The following ASPHD1 variants were observed in gnomAD, a reference collection of about 807,000 sequenced individuals.
ASPHD1 encodes the protein aspartate beta-hydroxylase domain containing 1, also known as aspartate beta-hydroxylase domain-containing protein 1.
ASPHD1 carries 20 observed loss-of-function variants against 28.3 expected under a neutral mutation model. The ratio of observed to expected loss-of-function variants is 0.71; its 90% CI spans 0.50 to 1.03. The LOEUF (loss-of-function observed/expected upper bound fraction) is 1.03, where lower values mean the gene tolerates loss of function less well. Ranked by LOEUF, ASPHD1 falls within the 50% of genes least tolerant of loss-of-function variation. The pLI, the probability that ASPHD1 is intolerant of heterozygous loss-of-function variation, is 0.00. For missense variants in ASPHD1, 479 were observed against 524.1 expected (o/e 0.91, Z 0.84); for synonymous variants, 240 against 221.2 (o/e 1.08, Z -0.75).
chr16:29,901,291 G>C lies in ASPHD1; in HGVS notation c.320G>C (p.Gly107Ala). The C allele has an allele frequency of 6.2e-7, 1 of 1,612,640 alleles. No homozygotes were observed. ...RLGSQDMQAL[G>A]AGSRAGGVRG... ...GGCTCCCAAGACATGCAGGCCCTAG[G>C]GGCTGGGAGCCGAGCTGGGGGTGTT... The change falls in exon 1 of 3, where the codon GGG becomes GCG. Residue 107 changes from glycine to alanine, a missense_variant. Gly to Ala is a moderately conservative substitution (Grantham distance 60). Coordinates refer to ENST00000308748, the MANE Select transcript of ASPHD1 (RefSeq NM_181718.4). This position sits in a 1 kb window ranked among gnomAD's most constrained non-coding sequence, Gnocchi z 5.1.
At chr16:29,912,876 C>A (rs376681332) in intron 3 of ASPHD1, among the ~76,000 whole-genome samples, 1 of 152,204 alleles carries the variant, frequency 6.6e-6, no homozygotes, top group East Asian at 1.9e-4. Flanking sequence ...AATGAATGAA[C>A]ATATTTGTTG....
Position 29,905,800 on chromosome 16 carries a change from A to G in ASPHD1, c.1076A>G (p.Asp359Gly). Residue 359 changes from aspartate to glycine, a missense_variant, in exon 3 of 3, where the codon GAT becomes GGT. Physicochemically the swap from Asp to Gly is moderately conservative, Grantham distance 94. Coordinates refer to ENST00000308748, the MANE Select transcript of ASPHD1 (RefSeq NM_181718.4). Reference protein sequence around the residue: ...HTVAHNGSPEDGPRVVFIVDL... With the variant: ...HTVAHNGSPEGGPRVVFIVDL... ...CCATGTGCCCTAGGCTCCCCCGAAG[A>G]TGGGCCTCGAGTGGTCTTCATCGTG... The G allele has an allele frequency of 6.2e-7, 1 of 1,613,716 alleles. No individual in the cohort carries two copies. The highest frequency in any genetic ancestry group is 1.7e-5 in the Admixed American group (1 of 59,966).
chr16:29,915,066 G>C (rs1299157628), intron 3 of ASPHD1: 2 of 152,084 alleles, frequency 1.3e-5, no homozygotes, highest in Admixed American at 6.6e-5. Context: ...AATCCAGTTG[G>C]AGAAATGCTA....
chr16:29,916,045 T>C (rs947841316), intron 3 of ASPHD1, among the ~76,000 whole-genome samples: 1 of 152,158 alleles, frequency 6.6e-6, no homozygotes, highest in Admixed American at 6.6e-5. Context: ...ACATTCTGTC[T>C]GGAAAGCTCC....
chr16:29,911,643 GA>G (rs2068711352), intron 3 of ASPHD1: 1 of 639,760 alleles, frequency 1.6e-6, no homozygotes, highest in Non-Finnish European at 2.7e-6. Flanking sequence ...CTGAAGCTGA[GA>G]AGCAGAAAGG....
At position 29,901,769 on chromosome 16, in the gene ASPHD1, C is replaced by A. The variant is rs1483997663; in HGVS notation, c.798C>A (p.Arg266=). The A allele has an allele frequency of 6.4e-7, 1 of 1,552,676 alleles. No individual in the cohort carries two copies. The change falls in exon 1 of 3, where the codon CGC becomes CGA. Residue 266 remains arginine (R), a synonymous_variant. Coordinates refer to ENST00000308748, the MANE Select transcript of ASPHD1 (RefSeq NM_181718.4). This position sits in a 1 kb window ranked among gnomAD's most constrained non-coding sequence, Gnocchi z 5.1. ...GCCGGTGCCAACCCAGCAACTGCCG[C>A]CGGTGCCCGGGGGCCTATCGGGCAC... ...QAGRCQPSNC[R]RCPGAYRALR...
At chr16:29,911,273 C>G (rs2068703561) in intron 3 of ASPHD1, 2 of 936,580 alleles carry the variant, frequency 2.1e-6, no homozygotes, top group Non-Finnish European at 3.3e-6. Context: ...TCTGCTCCTG[C>G]CCAGGGCTTT....
chr16:29,911,050 G>A (rs143894366), downstream of ASPHD1: 44 of 1,614,166 alleles, frequency 2.7e-5, no homozygotes, highest in African/African-American at 4.0e-5. Context: ...GGCCCTGCCC[G>A]TAGAAAGACC....
At position 29,905,781 on chromosome 16, in the gene ASPHD1, GCCC is replaced by G. The variant is rs2068602317; in HGVS notation, c.1064-6_1064-4del. 2 of 1,611,512 alleles carry G rather than the reference GCCC, an allele frequency of 1.2e-6. No homozygotes were observed. The highest frequency in any genetic ancestry group is 2.2e-5 in the South Asian group (2 of 91,002). ...TGGCTCTGCTGTTCCTGTCCCATGTGCCCTAGGCTCCCCCGAAGATGGGCCTCG... is the reference window on the plus strand; with the variant it reads ...TGGCTCTGCTGTTCCTGTCCCATGTGTAGGCTCCCCCGAAGATGGGCCTCG... On this transcript the variant is annotated splice_polypyrimidine_tract_variant and splice_region_variant and intron_variant, in intron 2 of 2. Coordinates refer to ENST00000308748, the MANE Select transcript of ASPHD1 (RefSeq NM_181718.4).
At chr16:29,915,267 A>G (rs998738022) in intron 3 of ASPHD1, 2 of 152,232 alleles carry the variant, frequency 1.3e-5, no homozygotes, top group Non-Finnish European at 2.9e-5. Context: ...CCAAGCTGGC[A>G]GTGTCTCTGC....
chr16:29,902,099 A>G (rs2068557687), intron 1 of ASPHD1, among the ~76,000 whole-genome samples, 179 bp downstream of exon 1: 1 of 152,074 alleles, frequency 6.6e-6, no homozygotes, highest in South Asian at 2.1e-4. Context: ...CACCTTCATA[A>G]GCTTTGCCGT....
downstream of ASPHD1, among the ~76,000 whole-genome samples, chr16:29,908,461 T>G (rs567586850): frequency 6.6e-6 from 1 of 152,260 alleles, no homozygotes; most frequent in African/African-American, 2.4e-5. Flanking sequence ...CTCAGCTCAC[T>G]GCAACCTCCA....
Position 29,905,848 on chromosome 16 carries a change from C to A in ASPHD1, c.1124C>A (p.Ala375Glu), listed in dbSNP as rs1453350926. 6.2e-7 allele frequency: 1 copy of A among 1,613,764 alleles called. No homozygotes were observed. The highest frequency in any genetic ancestry group is 2.2e-5 in the East Asian group (1 of 44,852). ...FIVDLWHPNV[A>E]GAERQALDFV... ...GTGGACCTCTGGCACCCCAACGTGG[C>A]AGGGGCTGAGCGCCAGGCCCTCGAC... The change falls in exon 3 of 3, where the codon GCA becomes GAA. Residue 375 changes from alanine (A) to glutamate (E), a missense_variant. Ala to Glu is a moderately radical substitution (Grantham distance 107, BLOSUM62 -1). Transcript: ENST00000308748.
downstream of ASPHD1, among the ~76,000 whole-genome samples, chr16:29,907,499 TAA>T (rs1410621869): frequency 6.6e-6 from 1 of 152,130 alleles, no homozygotes; most frequent in East Asian, 1.9e-4. Context: ...TAAGAAAATA[TAA>T]ACTAGCCTGG....
rs1256040883 is a variant in ASPHD1 at position 29,905,990 on chromosome 16, T to C, written c.*93T>C. The C allele has an allele frequency of 4.7e-6, 2 of 428,162 alleles. No homozygotes were observed. Among genetic ancestry groups the C allele is most frequent in the Non-Finnish European group, 8.9e-6 (2 of 224,724 alleles). 26.5% of individuals were successfully genotyped at this position (428,162 alleles called of 1,614,324 possible). A position where few individuals can be genotyped will look rare whatever the true frequency, so the allele number is the denominator to read the frequency against. On this transcript the variant is annotated 3_prime_UTR_variant, in exon 3 of 3. Transcript: ENST00000308748. ...CAGGACCTCCTCTCTACTGCGGGGG[T>C]GGGCGGGGGCGGAGGATGGGAACTG...
In ASPHD1 at chr16:29,901,390, C is replaced by T; in HGVS notation, c.419C>T (p.Pro140Leu). ...PGGPGDPGEGPRTEGLVSRRL... is the reference protein window; with the variant it reads ...PGGPGDPGEGLRTEGLVSRRL... ...GGTCCTGGGGATCCCGGGGAAGGAC[C>T]TAGGACGGAAGGCCTAGTGAGCCGG... is the stretch of plus-strand genomic sequence containing the variant. Residue 140 changes from proline to leucine, a missense_variant, in exon 1 of 3, where the codon CCT becomes CTT. By Grantham distance (98) the Pro-to-Leu change is moderately conservative. Coordinates refer to ENST00000308748, the MANE Select transcript of ASPHD1 (RefSeq NM_181718.4). This position sits in a 1 kb window ranked among gnomAD's most constrained non-coding sequence, Gnocchi z 5.1. 6.3e-7 allele frequency: 1 copy of T among 1,591,768 alleles called. No individual in the cohort carries two copies. The highest frequency in any genetic ancestry group is 8.5e-7 in the Non-Finnish European group (1 of 1,170,396).
intron 3 of ASPHD1, chr16:29,913,170 C>T (rs1254129555): frequency 1.4e-5 from 2 of 139,626 alleles, no homozygotes; most frequent in African/African-American, 5.4e-5. Flanking sequence ...GTCATCCAGG[C>T]TGAGTGCAGT....
chr16:29,905,000 G>A (rs1453077179), intron 2 of ASPHD1, 35 bp downstream of exon 2: 1 of 1,515,202 alleles, frequency 6.6e-7, no homozygotes, highest in Non-Finnish European at 9.1e-7. Context: ...GGGGATGAGG[G>A]ACTCAGGAGC....
Position 29,905,990 on chromosome 16 carries a change from T to TGGGGGGGG in ASPHD1, c.*96_*97insGGGGGGGG. ...CAGGACCTCCTCTCTACTGCGGGGG[T>TGGGGGGGG]GGGCGGGGGCGGAGGATGGGAACTG... On this transcript the variant is annotated 3_prime_UTR_variant, in exon 3 of 3. Transcript: ENST00000308748. 28 of 428,168 alleles carry TGGGGGGGG rather than the reference T, an allele frequency of 6.5e-5. No individual in the cohort carries two copies. Among genetic ancestry groups the TGGGGGGGG allele is most frequent in the East Asian group, 2.9e-4 (4 of 13,936 alleles). 26.5% of individuals were successfully genotyped at this position (428,168 alleles called of 1,614,324 possible).
Sources: allele counts gnomAD v4.1 joint callset (sites outside exome capture counted in the v4.1 genomes callset), GRCh38; gene constraint gnomAD v4.1.1; non-coding constraint Gnocchi (gnomAD v3.1); transcripts MANE v1.5; gene names NCBI Gene and HGNC (gene_info 2026-07-23, HGNC 2026-07-21).